GABRA5: variants seen among roughly 807,000 people sequenced by gnomAD.
GABRA5 encodes gamma-aminobutyric acid type A receptor subunit alpha5.
GABRA5 carries 18 observed loss-of-function variants against 47.3 expected under a neutral mutation model. The ratio of observed to expected loss-of-function variants is 0.38; its 90% confidence interval spans 0.26 to 0.56. GABRA5 has a LOEUF of 0.56. Ranked by LOEUF, GABRA5 falls within the 20% of genes least tolerant of loss-of-function variation. The pLI is 0.71. For missense variants in GABRA5, 365 were observed against 599.3 expected (o/e 0.61, Z 4.08); for synonymous variants, 237 against 229.3 (o/e 1.03, Z -0.30).
rs756014528 is a variant in GABRA5, at chr15:26,883,426, C to T, written c.366C>T (p.Asn122=). Residue 122 remains asparagine, a synonymous_variant, in exon 6 of 11, where the codon AAC becomes AAT. Transcript: ENST00000335625. The surrounding 1 kb of genome is among the most constrained non-coding windows in gnomAD (Gnocchi z 4.8). Reference sequence around the variant, plus strand: ...CCATGCAGCGCCTCCCTCTCAACAACCTCCTTGCCAGCAAGATCTGGACCC... The same window carrying T: ...CCATGCAGCGCCTCCCTCTCAACAATCTCCTTGCCAGCAAGATCTGGACCC... ...KGPMQRLPLN[N]LLASKIWTPD... 1.1e-5 allele frequency: 17 copies of T among 1,614,034 alleles called. No individual in the cohort carries two copies. The highest frequency in any genetic ancestry group is 2.7e-5 in the African/African-American group (2 of 74,936).
intron 6 of GABRA5, among the ~76,000 whole-genome samples, chr15:26,885,678 C>A (rs929838920): frequency 1.3e-5 from 2 of 152,132 alleles, no homozygotes; most frequent in Non-Finnish European, 2.9e-5. Context: ...TGTTGAAAAC[C>A]TGAGAAATAT....
intron 7 of GABRA5, among the ~76,000 whole-genome samples, chr15:26,929,995 T>TTCG (rs1319777849): frequency 4.6e-5 from 6 of 131,398 alleles, no homozygotes; most frequent in African/African-American, 1.8e-4. Context: ...CTTCTTCTTC[T>TTCG]TCTTCTTCTT....
chr15:26,871,871 T>C (rs1301753615), intron 3 of GABRA5, among the ~76,000 whole-genome samples: 1 of 152,246 alleles, frequency 6.6e-6, no homozygotes, highest in Non-Finnish European at 1.5e-5. Flanking sequence ...GTGAACGTAT[T>C]TGGCTTACAA....
At chr15:26,881,007 G>A (rs766062187) in intron 4 of GABRA5, 40 bp downstream of exon 4, 5 of 1,606,992 alleles carry the variant, frequency 3.1e-6, no homozygotes, top group Non-Finnish European at 4.2e-6. Flanking sequence ...CAAGGATCCA[G>A]GAAGGGCTTA....
rs879417314 is a variant in GABRA5 at position 26,911,388 on chromosome 15, C to CACACACACACACACACAA, written c.498-3406_498-3405insCACACACAAACACACACA. Among the ~76,000 whole-genome samples, 15 of 146,766 alleles carry CACACACACACACACACAA rather than the reference C, an allele frequency of 1.0e-4. No homozygotes were observed. In the East Asian group the frequency reaches 2.2e-3, roughly 22 times the overall value. ...TGCTGCATGCACACACACACACACA[C>CACACACACACACACACAA]ACACACACAAACACACACACTCCTG... On this transcript the variant is annotated intron_variant, in intron 6 of 10. Coordinates refer to ENST00000335625, the MANE Select transcript of GABRA5 (RefSeq NM_000810.4).
intron 6 of GABRA5, among the ~76,000 whole-genome samples, chr15:26,911,858 G>C (rs148301779): frequency 2.0e-5 from 3 of 152,252 alleles, no homozygotes; most frequent in Non-Finnish European, 4.4e-5. Context: ...TGCCTGCCGG[G>C]GTCTGGCAGA....
intron 10 of GABRA5, among the ~76,000 whole-genome samples, chr15:26,944,693 G>A (rs1395448314): frequency 6.6e-6 from 1 of 152,224 alleles, no homozygotes; most frequent in Non-Finnish European, 1.5e-5. Flanking sequence ...GCTGTGTGGG[G>A]AGGAACGAGA....
At chr15:26,924,793 C>T (rs1365183180) in intron 7 of GABRA5, among the ~76,000 whole-genome samples, 2 of 152,180 alleles carry the variant, frequency 1.3e-5, no homozygotes, top group Non-Finnish European at 2.9e-5. Context: ...CTTTCTGGTC[C>T]TGTGGCTAGA....
intron 10 of GABRA5, among the ~76,000 whole-genome samples, chr15:26,943,699 C>T (rs1348723789): frequency 3.3e-5 from 5 of 152,158 alleles, no homozygotes; most frequent in Non-Finnish European, 5.9e-5. Context: ...GACGACTTGT[C>T]TGGTTTTAGT....
intron 10 of GABRA5, among the ~76,000 whole-genome samples, chr15:26,944,790 G>T (rs139286122): frequency 6.6e-5 from 10 of 152,290 alleles, no homozygotes; most frequent in African/African-American, 2.4e-4. Flanking sequence ...GACATAGATG[G>T]TGCATGATGG....
chr15:26,885,213 G>C (rs891642475), intron 6 of GABRA5, among the ~76,000 whole-genome samples: 1 of 151,918 alleles, frequency 6.6e-6, no homozygotes, highest in African/African-American at 2.4e-5. Context: ...GCAGGAAAAT[G>C]GCGTGAACCT....
intron 6 of GABRA5, among the ~76,000 whole-genome samples, chr15:26,885,500 G>T (rs1416801089): frequency 6.6e-6 from 1 of 152,076 alleles, no homozygotes; most frequent in Non-Finnish European, 1.5e-5. Context: ...TTGACAGCAG[G>T]ACTGTCCTGG....
chr15:26,937,949 G>A (rs1894286764), intron 8 of GABRA5, among the ~76,000 whole-genome samples: 1 of 152,238 alleles, frequency 6.6e-6, no homozygotes, highest in South Asian at 2.1e-4. Context: ...TAGAGGTCAA[G>A]GTCACCAGGG....
chr15:26,868,890 A>C (rs1892392757), intron 2 of GABRA5, 97 bp downstream of exon 2: 1 of 198,016 alleles, frequency 5.1e-6, no homozygotes, highest in African/African-American at 2.3e-5. Flanking sequence ...GGTTTATTTG[A>C]TAACATGCTA....
chr15:26,913,393 A>G (rs1053273102), intron 6 of GABRA5, among the ~76,000 whole-genome samples: 2 of 152,174 alleles, frequency 1.3e-5, no homozygotes, highest in African/African-American at 4.8e-5. Context: ...GAAAATACAT[A>G]CATTGACTCC....
intron 7 of GABRA5, among the ~76,000 whole-genome samples, chr15:26,918,892 A>G (rs947304948): frequency 1.3e-5 from 2 of 152,116 alleles, no homozygotes; most frequent in African/African-American, 2.4e-5. Context: ...TAATCCCAGT[A>G]CTTTGGGAGG....
chr15:26,894,549 C>T (rs999587640), intron 6 of GABRA5, among the ~76,000 whole-genome samples: 1 of 152,042 alleles, frequency 6.6e-6, no homozygotes, highest in Non-Finnish European at 1.5e-5. Flanking sequence ...GAGCTGGTCC[C>T]ATGATGTCAA....
At chr15:26,891,306 G>A (rs1209984650) in intron 6 of GABRA5, among the ~76,000 whole-genome samples, 2 of 152,102 alleles carry the variant, frequency 1.3e-5, no homozygotes, top group South Asian at 2.1e-4. Flanking sequence ...AAATATAAAC[G>A]CATTTAAACT....
chr15:26,908,457 T>C (rs1893498017), intron 6 of GABRA5, among the ~76,000 whole-genome samples: 1 of 152,176 alleles, frequency 6.6e-6, no homozygotes, highest in South Asian at 2.1e-4. Context: ...AGAAGAATAT[T>C]GCCTGCCGTC....
Sources: gnomAD v4.1 joint callset for allele counts (sites outside exome capture counted in the v4.1 genomes callset) on GRCh38, gnomAD v4.1.1 for gene constraint, Gnocchi (gnomAD v3.1) non-coding constraint, MANE v1.5 for transcripts, NCBI Gene and HGNC (gene_info 2026-07-23, HGNC 2026-07-21) for gene names.